Variants in RALYL observed in about 807,000 individuals in gnomAD.
RALYL encodes RALY RNA binding protein like, also known as RNA-binding Raly-like protein.
In RALYL, 29 loss-of-function variants were observed where a neutral mutation model predicts 35.1. That is an observed-to-expected ratio of 0.83 (90% CI 0.61 to 1.13). The LOEUF is 1.13. Among genes scored for constraint, RALYL ranks in the 50% most tolerant of loss-of-function variants. The pLI is 0.00. For synonymous variants in RALYL, 120 were observed against 127.6 expected (o/e 0.94, Z 0.40); for missense variants, 359 against 360.4 (o/e 1.00, Z 0.03).
At chr8:84,647,064 T>G (rs1827649165) in intron 2 of RALYL, among the ~76,000 whole-genome samples, 1 of 152,072 alleles carries the variant, frequency 6.6e-6, no homozygotes, top group African/African-American at 2.4e-5. Context: ...GTTCCCCTTG[T>G]TGGTTTTATA....
intron 1 of RALYL, among the ~76,000 whole-genome samples, chr8:84,434,466 G>A (rs1337236582): frequency 6.6e-6 from 1 of 152,150 alleles, no homozygotes; most frequent in Non-Finnish European, 1.5e-5. Flanking sequence ...TGAGGTGACA[G>A]ATACATGAAT....
chr8:84,292,420 G>A (rs1838938024), intron 1 of RALYL, among the ~76,000 whole-genome samples: 1 of 152,110 alleles, frequency 6.6e-6, no homozygotes, highest in South Asian at 2.1e-4. Flanking sequence ...AGGGAGGGGA[G>A]AAATGCCAGG....
chr8:84,590,775 T>C (rs1337967992), intron 2 of RALYL, among the ~76,000 whole-genome samples: 2 of 152,182 alleles, frequency 1.3e-5, no homozygotes, highest in Non-Finnish European at 2.9e-5. Context: ...GGAAAGTTGA[T>C]TATATAAAAA....
At chr8:84,709,755 C>T (rs1392273421) in intron 2 of RALYL, among the ~76,000 whole-genome samples, 1 of 152,038 alleles carries the variant, frequency 6.6e-6, no homozygotes, top group Non-Finnish European at 1.5e-5. Context: ...CTATATTCTA[C>T]CCTTTATCAA....
chr8:84,330,642 C>A (rs749362855), intron 1 of RALYL, among the ~76,000 whole-genome samples: 2 of 151,978 alleles, frequency 1.3e-5, no homozygotes, highest in Non-Finnish European at 2.9e-5. Context: ...TCTAATGCCT[C>A]TAGATTTTGC....
At chr8:84,433,547 G>C (rs1463442257) in intron 1 of RALYL, among the ~76,000 whole-genome samples, 6 of 151,944 alleles carry the variant, frequency 3.9e-5, no homozygotes, top group African/African-American at 1.5e-4. Context: ...TGAATCATGG[G>C]GGCTGGTCTT....
intron 2 of RALYL, among the ~76,000 whole-genome samples, chr8:84,681,346 T>A (rs967876669): frequency 1.3e-5 from 2 of 152,208 alleles, no homozygotes; most frequent in African/African-American, 4.8e-5. Flanking sequence ...TCATTTTGCT[T>A]CCATATGAAC....
intron 2 of RALYL, among the ~76,000 whole-genome samples, chr8:84,574,195 C>G (rs1808753348): frequency 6.6e-6 from 1 of 151,902 alleles, no homozygotes; most frequent in Admixed American, 6.6e-5. Context: ...CTACTTTTAC[C>G]CTACTATTAA....
intron 2 of RALYL, among the ~76,000 whole-genome samples, chr8:84,632,866 T>C (rs2131267346): frequency 6.6e-6 from 1 of 152,066 alleles, no homozygotes; most frequent in Non-Finnish European, 1.5e-5. Flanking sequence ...CATAGCCCCA[T>C]GGCCTTGAGT....
chr8:84,551,109 G>T (rs1342459653), intron 2 of RALYL, among the ~76,000 whole-genome samples: 1 of 151,720 alleles, frequency 6.6e-6, no homozygotes, highest in Non-Finnish European at 1.5e-5. Context: ...TTTAAAAATA[G>T]AATTTTTATT....
At chr8:84,488,022 G>A (rs1208492375) in intron 1 of RALYL, among the ~76,000 whole-genome samples, 1 of 151,940 alleles carries the variant, frequency 6.6e-6, no homozygotes, top group African/African-American at 2.4e-5. Flanking sequence ...CATTAATATT[G>A]GAACCAAAAT....
At chr8:84,559,030 A>G (rs2061317168) in intron 2 of RALYL, among the ~76,000 whole-genome samples, 1 of 152,120 alleles carries the variant, frequency 6.6e-6, no homozygotes, top group Non-Finnish European at 1.5e-5. Flanking sequence ...TTTCTGAAAA[A>G]TAATTCCATA....
At chr8:84,591,647 A>T (rs1033498302) in intron 2 of RALYL, among the ~76,000 whole-genome samples, 1 of 152,202 alleles carries the variant, frequency 6.6e-6, no homozygotes, top group Non-Finnish European at 1.5e-5. Flanking sequence ...TTCTCACAAG[A>T]CATGCAGAAA....
chr8:84,374,929 A>G (rs1856619406), intron 1 of RALYL, among the ~76,000 whole-genome samples: 1 of 151,926 alleles, frequency 6.6e-6, no homozygotes, highest in African/African-American at 2.4e-5. Context: ...AGTCAGTGGA[A>G]TCATTTTGCT....
At chr8:84,620,231 C>A (rs1198361047) in intron 2 of RALYL, among the ~76,000 whole-genome samples, 146 of 145,762 alleles carry the variant, frequency 1.0e-3, no homozygotes, top group Middle Eastern at 3.5e-3. Flanking sequence ...TCAGGTACAC[C>A]AATCAGACGT....
At chr8:84,729,369 T>A (rs1160430573) in intron 2 of RALYL, among the ~76,000 whole-genome samples, 1 of 152,002 alleles carries the variant, frequency 6.6e-6, no homozygotes, top group African/African-American at 2.4e-5. Context: ...TTAAGGAGAT[T>A]TTGGGCTCAA....
chr8:84,754,354 C>T (rs1563526535), intron 2 of RALYL, among the ~76,000 whole-genome samples: 1 of 152,084 alleles, frequency 6.6e-6, no homozygotes, highest in Non-Finnish European at 1.5e-5. Flanking sequence ...ATAACTCATG[C>T]TGGTTGTAGG....
At chr8:84,828,212 G>A (rs1055834384) in intron 4 of RALYL, among the ~76,000 whole-genome samples, 3 of 152,088 alleles carry the variant, frequency 2.0e-5, no homozygotes, top group African/African-American at 7.2e-5. Flanking sequence ...CCTATTAAAT[G>A]TATATATTTT....
intron 1 of RALYL, among the ~76,000 whole-genome samples, chr8:84,511,501 C>G (rs976090051): frequency 6.6e-6 from 1 of 152,142 alleles, no homozygotes; most frequent in Non-Finnish European, 1.5e-5. Context: ...ATCATCAATT[C>G]AGGGTATTTA....
Sources: gnomAD v4.1 joint callset for allele counts (sites outside exome capture counted in the v4.1 genomes callset) on GRCh38, gnomAD v4.1.1 for gene constraint, MANE v1.5 for transcripts, NCBI Gene and HGNC (gene_info 2026-07-23, HGNC 2026-07-21) for gene names.